The following CTNNA3 variants were observed in gnomAD, a reference collection of about 807,000 sequenced individuals.
CTNNA3 encodes catenin alpha 3, also known as catenin alpha-3.
A neutral mutation model predicts 95.7 loss-of-function variants in CTNNA3; 76 were observed. The observed-to-expected ratio is 0.79, with a 90% CI of 0.66 to 0.96. The LOEUF (loss-of-function observed/expected upper bound fraction) is 0.96. CTNNA3 is among the 40% of genes least tolerant of loss of function. The pLI is 0.00. For missense variants in CTNNA3, 1,191 were observed against 1,089.8 expected (o/e 1.09, Z -1.31); for synonymous variants, 431 against 374.4 (o/e 1.15, Z -1.74).
At chr10:66,362,088 C>T (rs1208656103) in intron 12 of CTNNA3, among the ~76,000 whole-genome samples, 14 of 142,736 alleles carry the variant, frequency 9.8e-5, no homozygotes, top group African/African-American at 3.6e-4. Context: ...CACAGAGGTT[C>T]ATACACAATT....
intron 5 of CTNNA3, among the ~76,000 whole-genome samples, chr10:67,398,090 A>T (rs1163984660): frequency 6.6e-6 from 1 of 152,190 alleles, no homozygotes; most frequent in Non-Finnish European, 1.5e-5. Context: ...GGCACTGTCA[A>T]ATGGAGTTGT....
At chr10:67,565,845 A>G (rs1203337959) in intron 3 of CTNNA3, among the ~76,000 whole-genome samples, 1 of 140,276 alleles carries the variant, frequency 7.1e-6, no homozygotes, top group East Asian at 2.1e-4. Flanking sequence ...GCCATCCACT[A>G]CTGAATATCT....
chr10:67,526,481 C>T (rs963422786), intron 4 of CTNNA3, among the ~76,000 whole-genome samples: 2 of 151,684 alleles, frequency 1.3e-5, no homozygotes, highest in Non-Finnish European at 2.9e-5. Flanking sequence ...GTCTGAGGTT[C>T]AAGTCCTTGC....
chr10:66,315,841 A>C (rs1306948831), intron 12 of CTNNA3, among the ~76,000 whole-genome samples: 1 of 152,090 alleles, frequency 6.6e-6, no homozygotes, highest in Non-Finnish European at 1.5e-5. Flanking sequence ...TAAAACTCTA[A>C]AACATGAAGG....
chr10:67,751,022 G>T (rs1841404201), intron 1 of CTNNA3: 1 of 1,548,072 alleles, frequency 6.5e-7, no homozygotes, highest in East Asian at 2.2e-5. Context: ...CCACAGCCCA[G>T]GTTCTGATCC....
At chr10:66,131,462 A>T (rs900860345) in intron 13 of CTNNA3, among the ~76,000 whole-genome samples, 4 of 152,214 alleles carry the variant, frequency 2.6e-5, no homozygotes, top group African/African-American at 9.6e-5. Context: ...ATGCTCAATG[A>T]TCACACTGCA....
intron 7 of CTNNA3, among the ~76,000 whole-genome samples, chr10:66,852,424 A>G (rs1385554385): frequency 1.3e-5 from 2 of 152,178 alleles, no homozygotes; most frequent in Non-Finnish European, 2.9e-5. Flanking sequence ...AGCAATATAT[A>G]CTTGTGTTCA....
At chr10:66,655,796 C>T (rs951274210) in intron 9 of CTNNA3, among the ~76,000 whole-genome samples, 1 of 151,890 alleles carries the variant, frequency 6.6e-6, no homozygotes, top group African/African-American at 2.4e-5. Context: ...ATTGAAGTCT[C>T]AAAACTCATC....
intron 13 of CTNNA3, among the ~76,000 whole-genome samples, chr10:66,238,315 C>A (rs1268950306): frequency 6.6e-6 from 1 of 151,872 alleles, no homozygotes; most frequent in Non-Finnish European, 1.5e-5. Flanking sequence ...ACTGTACAAG[C>A]TGAAGGTGAT....
chr10:66,463,523 G>A (rs902797192), intron 11 of CTNNA3, among the ~76,000 whole-genome samples: 4 of 152,068 alleles, frequency 2.6e-5, no homozygotes, highest in Admixed American at 2.0e-4. Flanking sequence ...ACAAAATTGA[G>A]AAACTTCCCA....
chr10:66,685,153 A>T (rs1847205025), intron 9 of CTNNA3, among the ~76,000 whole-genome samples: 1 of 139,432 alleles, frequency 7.2e-6, no homozygotes, highest in African/African-American at 2.7e-5. Flanking sequence ...AACTATATAT[A>T]TATACACGTA....
chr10:67,251,886 T>A (rs767963765), intron 5 of CTNNA3, among the ~76,000 whole-genome samples: 2 of 151,962 alleles, frequency 1.3e-5, no homozygotes, highest in Non-Finnish European at 2.9e-5. Flanking sequence ...TTCCACAAGA[T>A]CATCACTAGT....
chr10:67,726,680 A>G (rs1360594960), intron 1 of CTNNA3, among the ~76,000 whole-genome samples: 1 of 84,048 alleles, frequency 1.2e-5, no homozygotes, highest in East Asian at 3.8e-4. Flanking sequence ...TAATTATATA[A>G]TATATGATGT....
intron 6 of CTNNA3, among the ~76,000 whole-genome samples, chr10:67,192,148 G>T (rs1322814054): frequency 6.6e-6 from 1 of 151,860 alleles, no homozygotes; most frequent in Non-Finnish European, 1.5e-5. Flanking sequence ...AAAACATAGG[G>T]TAAAAGATTC....
intron 13 of CTNNA3, among the ~76,000 whole-genome samples, chr10:66,271,654 C>A (rs1397641688): frequency 6.6e-6 from 1 of 152,132 alleles, no homozygotes; most frequent in Non-Finnish European, 1.5e-5. Flanking sequence ...AAGGGAGATG[C>A]TTGGCTCCTT....
intron 7 of CTNNA3, among the ~76,000 whole-genome samples, chr10:66,943,686 G>A (rs1294545787): frequency 1.3e-5 from 2 of 152,136 alleles, no homozygotes; most frequent in Non-Finnish European, 2.9e-5. Flanking sequence ...CTTTTGTACA[G>A]CAGGGGAAAA....
intron 7 of CTNNA3, among the ~76,000 whole-genome samples, chr10:66,894,917 T>C (rs1268416367): frequency 2.0e-5 from 3 of 151,602 alleles, no homozygotes; most frequent in Non-Finnish European, 4.4e-5. Flanking sequence ...ATAGTAGGCG[T>C]TTCATTTGCA....
intron 11 of CTNNA3, among the ~76,000 whole-genome samples, chr10:66,392,109 A>G (rs1364638687): frequency 6.6e-6 from 1 of 152,070 alleles, no homozygotes; most frequent in Non-Finnish European, 1.5e-5. Flanking sequence ...AAAAATTTAA[A>G]ACTTCTACTC....
chr10:67,002,448 G>A (rs953184527), intron 7 of CTNNA3, among the ~76,000 whole-genome samples: 10 of 152,030 alleles, frequency 6.6e-5, no homozygotes, highest in Non-Finnish European at 1.3e-4. Flanking sequence ...TTTCTACAAG[G>A]TTGAATCTAA....
Sources: gnomAD v4.1 joint callset for allele counts (sites outside exome capture counted in the v4.1 genomes callset) on GRCh38, gnomAD v4.1.1 for gene constraint, MANE v1.5 for transcripts, NCBI Gene and HGNC (gene_info 2026-07-23, HGNC 2026-07-21) for gene names.